The following NAA50 variants were observed in gnomAD, a reference collection of about 807,000 sequenced individuals.
NAA50 encodes N-alpha-acetyltransferase 50, NatE catalytic subunit.
A neutral mutation model predicts 20.7 loss-of-function variants in NAA50; 7 were observed. The ratio of observed to expected loss-of-function variants is 0.34; its 90% CI spans 0.19 to 0.63. NAA50 has a LOEUF of 0.63. Ranked by LOEUF, NAA50 falls within the 30% of genes least tolerant of loss-of-function variation. The probability of loss-of-function intolerance (pLI) is 0.75; values close to 1 mark genes in which losing one functional copy is unlikely to be tolerated. For missense variants in NAA50, 111 were observed against 199.1 expected (o/e 0.56, Z 2.66); for synonymous variants, 54 against 70.6 (o/e 0.77, Z 1.18).
At position 113,746,116 on chromosome 3, in the gene NAA50, C is replaced by T. The variant is rs1708496712; in HGVS notation, c.-167G>A. The T allele has an allele frequency of 1.2e-6, 1 of 833,064 alleles. No homozygotes were observed. The highest frequency in any genetic ancestry group is 1.8e-6 in the Non-Finnish European group (1 of 545,704). The allele number at this position is 833,064 out of a possible 1,614,324, so 51.6% of individuals were successfully genotyped here. ...GAAGGCCGCGAGAGTCGAGTGAGGG[C>T]TTGAGTCTGGTGGGGGCGGGAGTGT... On this transcript the variant is annotated 5_prime_UTR_variant, in exon 1 of 5. Transcript: ENST00000240922.
intron 1 of NAA50, among the ~76,000 whole-genome samples, chr3:113,743,040 G>T (rs1708438797): frequency 6.6e-6 from 1 of 152,010 alleles, no homozygotes; most frequent in African/African-American, 2.4e-5. Flanking sequence ...TCAAAAGTAA[G>T]CAACATTTCC....
At chr3:113,737,373 G>A (rs978119472) in intron 1 of NAA50, among the ~76,000 whole-genome samples, 6 of 152,184 alleles carry the variant, frequency 3.9e-5, no homozygotes, top group African/African-American at 7.2e-5. Flanking sequence ...ACATGAAAGA[G>A]TGATTCCTCT....
At chr3:113,723,918 G>T in intron 2 of NAA50, 41 bp downstream of exon 2, 6 of 1,490,554 alleles carry the variant, frequency 4.0e-6, no homozygotes, top group African/African-American at 1.4e-5. Context: ...AGAACAAAAA[G>T]AAAGAAAAGA....
At chr3:113,728,554 C>G (rs182413343) in intron 1 of NAA50, among the ~76,000 whole-genome samples, 1 of 152,052 alleles carries the variant, frequency 6.6e-6, no homozygotes, top group African/African-American at 2.4e-5. Context: ...TGATGTAGTC[C>G]GAAAATCAGT....
At position 113,724,027 on chromosome 3, in the gene NAA50, A is replaced by G. The variant is rs780142718; in HGVS notation, c.77T>C (p.Ile26Thr). Residue 26 changes from isoleucine to threonine, a missense_variant, in exon 2 of 5, where the codon ATC becomes ACC. Ile to Thr is a moderately conservative substitution (Grantham distance 89, BLOSUM62 -1). Transcript: ENST00000240922. ...IKQLKRLNQVIFPVSYNDKFY... is the reference protein window; with the variant it reads ...IKQLKRLNQVTFPVSYNDKFY... ...CTTGTCATTGTAGCTGACTGGAAAG[A>G]TGACCTGATTCAATCTTTTCAACTG... The G allele has an allele frequency of 6.2e-7, 1 of 1,611,984 alleles. No homozygotes were observed. The highest frequency in any genetic ancestry group is 1.7e-5 in the Admixed American group (1 of 59,920).
At chr3:113,728,400 A>G (rs185489497) in intron 1 of NAA50, among the ~76,000 whole-genome samples, 1 of 152,368 alleles carries the variant, frequency 6.6e-6, no homozygotes, top group East Asian at 1.9e-4. Context: ...AGGTATATAC[A>G]ATGTGCTACT....
rs760651127 is a variant in NAA50, at chr3:113,721,923, C to T, written c.347G>A (p.Ser116Asn). The T allele has an allele frequency of 2.5e-6, 4 of 1,613,454 alleles. No individual in the cohort carries two copies. The African/African-American group carries it at 5.3e-5, about 22-fold the overall frequency. ...GTAGAAGTCAATTGCCGACTCATTGCTGATCTGGACATGCCTGAGATATAA... is the reference window on the plus strand; with the variant it reads ...GTAGAAGTCAATTGCCGACTCATTGTTGATCTGGACATGCCTGAGATATAA... Reference protein sequence around the residue: ...FDNIYLHVQISNESAIDFYRK... With the variant: ...FDNIYLHVQINNESAIDFYRK... Residue 116 changes from serine to asparagine, a missense_variant, in exon 5 of 5, where the codon AGC (serine) becomes AAC (asparagine). Transcript: ENST00000240922.
intron 1 of NAA50, among the ~76,000 whole-genome samples, chr3:113,724,768 G>A (rs549818965): frequency 5.9e-5 from 9 of 152,148 alleles, no homozygotes; most frequent in African/African-American, 2.2e-4. Context: ...AGAGGGACCC[G>A]GCGAATCATG....
At chr3:113,730,758 A>C (rs1708261651) in intron 1 of NAA50, among the ~76,000 whole-genome samples, 1 of 152,246 alleles carries the variant, frequency 6.6e-6, no homozygotes, top group South Asian at 2.1e-4. Context: ...TGTTGTGCAT[A>C]TCAATAGCTC....
At chr3:113,741,419 G>A (rs779981571) in intron 1 of NAA50, among the ~76,000 whole-genome samples, 6 of 152,234 alleles carry the variant, frequency 3.9e-5, no homozygotes, top group Non-Finnish European at 7.3e-5. Flanking sequence ...ACGATGGGAA[G>A]AATGTGTCTA....
At chr3:113,723,750 C>A (rs1708165534) in intron 2 of NAA50, among the ~76,000 whole-genome samples, 1 of 152,180 alleles carries the variant, frequency 6.6e-6, no homozygotes, top group Non-Finnish European at 1.5e-5. Context: ...CAGGTATACA[C>A]TAAGAACACT....
intron 1 of NAA50, among the ~76,000 whole-genome samples, chr3:113,732,996 G>A (rs1708290225): frequency 6.7e-6 from 1 of 148,964 alleles, no homozygotes. Context: ...TGTTGAGTAT[G>A]TTTTTGTATG....
chr3:113,733,441 C>T (rs1708295798), intron 1 of NAA50, among the ~76,000 whole-genome samples: 1 of 151,880 alleles, frequency 6.6e-6, no homozygotes, highest in African/African-American at 2.4e-5. Flanking sequence ...GAAAAAAAAT[C>T]TATTTTTAAA....
intron 1 of NAA50, chr3:113,739,428 T>G (rs1286449843): frequency 6.6e-6 from 1 of 152,296 alleles, no homozygotes; most frequent in East Asian, 1.9e-4. Context: ...GTCAGTACCT[T>G]TTGATCCAGA....
chr3:113,736,595 C>A (rs988512804), intron 1 of NAA50, among the ~76,000 whole-genome samples: 1 of 152,134 alleles, frequency 6.6e-6, no homozygotes, highest in African/African-American at 2.4e-5. Context: ...GCTATTCAAC[C>A]CATTGCCAAT....
At chr3:113,727,566 A>G (rs1251702718) in intron 1 of NAA50, among the ~76,000 whole-genome samples, 2 of 152,176 alleles carry the variant, frequency 1.3e-5, no homozygotes, top group African/African-American at 4.8e-5. Context: ...AATAGAGAAA[A>G]CAATATTGAA....
At chr3:113,723,878 T>C (rs558829443) in intron 2 of NAA50, 81 bp downstream of exon 2, 5 of 1,398,474 alleles carry the variant, frequency 3.6e-6, no homozygotes, top group Admixed American at 5.0e-5. Flanking sequence ...ATTAGTTAAC[T>C]TCTTCTGCTC....
chr3:113,731,701 T>C lies in NAA50; in HGVS notation c.9-7606A>G, dbSNP rs762613185. Among the ~76,000 whole-genome samples the C allele has an allele frequency of 4.6e-5, 7 of 152,334 alleles. No homozygotes were observed. The South Asian group carries it at 6.2e-4, about 14-fold the overall frequency. On this transcript the variant is annotated intron_variant, in intron 1 of 4. Transcript: ENST00000240922. Reference sequence around the variant, plus strand: ...ATGTGCCTTTACTAGACATTTAATATAAATGGAAGCACACAAGAAAAGTGA... The same window carrying C: ...ATGTGCCTTTACTAGACATTTAATACAAATGGAAGCACACAAGAAAAGTGA...
In NAA50 at chr3:113,735,791, C is replaced by G. The variant is rs1322023378; in HGVS notation, c.8+10151G>C. Among the ~76,000 whole-genome samples, 10 of 152,336 alleles carry G rather than the reference C, an allele frequency of 6.6e-5. No individual in the cohort carries two copies. The East Asian group carries it at 1.9e-3, about 29-fold the overall frequency. ...CTCTGCCTCCCAGGTTCAAGCGATTCTCATGCCTCAGCCTACCGAGTAGCT... is the reference window on the plus strand; with the variant it reads ...CTCTGCCTCCCAGGTTCAAGCGATTGTCATGCCTCAGCCTACCGAGTAGCT... On this transcript the variant is annotated intron_variant, in intron 1 of 4. Transcript: ENST00000240922.
Sources: allele counts gnomAD v4.1 joint callset (sites outside exome capture counted in the v4.1 genomes callset), GRCh38; gene constraint gnomAD v4.1.1; transcripts MANE v1.5; gene names NCBI Gene and HGNC (gene_info 2026-07-23, HGNC 2026-07-21).